Variants in HMGXB3 observed in about 807,000 individuals in gnomAD.
HMGXB3 encodes HMG-box containing 3.
HMGXB3 carries 45 observed loss-of-function variants against 121.5 expected under a neutral mutation model. The ratio of observed to expected loss-of-function variants is 0.37; its 90% CI spans 0.29 to 0.47. The LOEUF is 0.47. Among genes scored for constraint, HMGXB3 ranks in the 20% least tolerant of loss-of-function variants. HMGXB3 has a pLI of 0.99. For missense variants in HMGXB3, 1,376 were observed against 1,602.2 expected (o/e 0.86, Z 2.41); for synonymous variants, 590 against 624.1 (o/e 0.95, Z 0.81).
At chr5:150,008,955 G>GTCT (rs1755769659) in intron 3 of HMGXB3, among the ~76,000 whole-genome samples, 1 of 152,110 alleles carries the variant, frequency 6.6e-6, no homozygotes, top group African/African-American at 2.4e-5. Context: ...GCCTTAAGTA[G>GTCT]TCTCATCGAC....
intron 6 of HMGXB3, 75 bp downstream of exon 6, chr5:150,018,772 T>G: frequency 7.2e-7 from 1 of 1,384,152 alleles, no homozygotes; most frequent in Non-Finnish European, 9.7e-7. Flanking sequence ...GAACAGGTGA[T>G]TTTTAAAAAG....
At chr5:150,051,040 A>G (rs1414310319) in intron 19 of HMGXB3, among the ~76,000 whole-genome samples, 1 of 152,170 alleles carries the variant, frequency 6.6e-6, no homozygotes, top group Non-Finnish European at 1.5e-5. Context: ...CTGAAGATAC[A>G]CTGGTTTAGA....
intron 3 of HMGXB3, 150 bp from the exon 4 acceptor site, chr5:150,009,960 AT>A: frequency 1.3e-6 from 1 of 792,444 alleles, no homozygotes; most frequent in South Asian, 2.0e-5. Context: ...GGCTGACCTT[AT>A]CTGAATTAGG....
intron 9 of HMGXB3, 43 bp downstream of exon 9, chr5:150,027,160 C>A: frequency 6.7e-7 from 1 of 1,484,776 alleles, no homozygotes; most frequent in Non-Finnish European, 9.2e-7. Context: ...GAGGGTCTGG[C>A]TGCTTCCATG....
chr5:150,046,628 C>T (rs1456690414), intron 16 of HMGXB3, among the ~76,000 whole-genome samples: 7 of 151,928 alleles, frequency 4.6e-5, no homozygotes, highest in African/African-American at 9.7e-5. Flanking sequence ...CTGGCTAACA[C>T]GGTGAAACAC....
chr5:150,048,914 T>C (rs1397969910), intron 18 of HMGXB3, among the ~76,000 whole-genome samples: 1 of 152,234 alleles, frequency 6.6e-6, no homozygotes, highest in African/African-American at 2.4e-5. Context: ...GTTGAGGGTA[T>C]AAGGGCGAGC....
chr5:150,050,410 G>A lies in HMGXB3; in HGVS notation c.3360G>A (p.Gln1120=). The change falls in exon 19 of 20, where the codon CAG becomes CAA. Residue 1120 remains glutamine, a synonymous_variant. Transcript: ENST00000502717. The part of the protein sequence containing the change: ...ADLCYPELTN[Q]MWGRNQGCFS... ...TCTGCTACCCAGAGCTGACTAACCA[G>A]ATGTGGGGGAGGAACCAGGGCTGTT... The A allele has an allele frequency of 6.4e-7, 1 of 1,551,732 alleles. No individual in the cohort carries two copies. The highest frequency in any genetic ancestry group is 8.7e-7 in the Non-Finnish European group (1 of 1,146,990).
At position 150,036,640 on chromosome 5, in the gene HMGXB3, T is replaced by G; in HGVS notation, c.1988T>G (p.Val663Gly). 1 of 1,539,264 alleles carries G rather than the reference T, an allele frequency of 6.5e-7. No individual in the cohort carries two copies. Among genetic ancestry groups the G allele is most frequent in the Non-Finnish European group, 8.8e-7 (1 of 1,139,724 alleles). Residue 663 changes from valine to glycine, a missense_variant, in exon 12 of 20, where the codon GTG becomes GGG. Coordinates refer to ENST00000502717, the MANE Select transcript of HMGXB3 (RefSeq NM_014983.3). ...ATCAATCCACTCTCTTCCCAGGAGG[T>G]GAGCTCACCACTCCCAGATGTACTG... ...RTEKTTKAIE[V>G]SSPLPDVLNA...
chr5:150,037,626 C>T (rs894295797), intron 13 of HMGXB3, 99 bp downstream of exon 13: 6 of 1,058,160 alleles, frequency 5.7e-6, no homozygotes, highest in Admixed American at 3.9e-5. Flanking sequence ...TGGGCCTTCT[C>T]AGATGGGGCT....
chr5:150,048,767 G>T lies in HMGXB3; in HGVS notation c.3201+82G>T. ...ACAGGGACTGATCCAGCTCAGTTTT[G>T]GGGGGCTAGACTTAGGTCACTGGGC... On this transcript the variant is annotated intron_variant, in intron 18 of 19. Coordinates refer to ENST00000502717, the MANE Select transcript of HMGXB3 (RefSeq NM_014983.3). The T allele has an allele frequency of 5.6e-6, 6 of 1,072,310 alleles. No homozygotes were observed. In the East Asian group the frequency reaches 1.0e-4, roughly 18 times the overall value. 66.4% of individuals were successfully genotyped at this position (1,072,310 alleles called of 1,614,324 possible).
intron 1 of HMGXB3, among the ~76,000 whole-genome samples, chr5:150,001,978 C>T (rs1195756481): frequency 6.6e-6 from 1 of 152,222 alleles, no homozygotes; most frequent in Non-Finnish European, 1.5e-5. Flanking sequence ...TACTGCTTCC[C>T]TTATCCTTTA....
At chr5:150,045,058 T>G (rs1756724704) in intron 15 of HMGXB3, among the ~76,000 whole-genome samples, 1 of 152,212 alleles carries the variant, frequency 6.6e-6, no homozygotes. Context: ...TAGACCTGTG[T>G]TGACGTGATT....
chr5:150,051,043 G>A (rs1756875581), intron 19 of HMGXB3, among the ~76,000 whole-genome samples: 1 of 152,158 alleles, frequency 6.6e-6, no homozygotes, highest in Non-Finnish European at 1.5e-5. Context: ...AAGATACACT[G>A]GTTTAGAAAA....
chr5:150,032,919 C>T (rs1045113702), intron 11 of HMGXB3, among the ~76,000 whole-genome samples: 2 of 152,182 alleles, frequency 1.3e-5, no homozygotes, highest in African/African-American at 4.8e-5. Flanking sequence ...CCTCTTACCG[C>T]TGAGGCCTGA....
chr5:150,008,651 T>A (rs1755764061), intron 3 of HMGXB3, among the ~76,000 whole-genome samples: 1 of 152,238 alleles, frequency 6.6e-6, no homozygotes, highest in Non-Finnish European at 1.5e-5. Flanking sequence ...TAGCAGCCCT[T>A]CAGGTCTCTT....
At chr5:150,038,884 C>A (rs933367871) in intron 13 of HMGXB3, among the ~76,000 whole-genome samples, 11 of 152,210 alleles carry the variant, frequency 7.2e-5, no homozygotes, top group African/African-American at 2.7e-4. Context: ...TTGGCAGTTA[C>A]AAATAGAGCT....
intron 10 of HMGXB3, 110 bp downstream of exon 10, chr5:150,030,949 C>G (rs1468946081): frequency 8.3e-6 from 6 of 719,332 alleles, no homozygotes; most frequent in Non-Finnish European, 1.5e-5. Flanking sequence ...GGAGGGAGAA[C>G]AGGGTCAGGT....
At chr5:150,001,463 G>C (rs933633353) in intron 1 of HMGXB3, among the ~76,000 whole-genome samples, 1 of 152,242 alleles carries the variant, frequency 6.6e-6, no homozygotes, top group African/African-American at 2.4e-5. Flanking sequence ...AATCTCGTGA[G>C]ATTCCAAGGA....
At chr5:150,032,959 C>T (rs967346099) in intron 11 of HMGXB3, among the ~76,000 whole-genome samples, 15 of 152,176 alleles carry the variant, frequency 9.9e-5, no homozygotes, top group African/African-American at 3.6e-4. Context: ...TTTACTGTTT[C>T]GGTAAATAGA....
Sources: gnomAD v4.1 joint callset for allele counts (sites outside exome capture counted in the v4.1 genomes callset) on GRCh38, gnomAD v4.1.1 for gene constraint, MANE v1.5 for transcripts, NCBI Gene and HGNC (gene_info 2026-07-23, HGNC 2026-07-21) for gene names.